RSF1: variants seen among roughly 807,000 people sequenced by gnomAD.
RSF1 encodes the protein remodeling and spacing factor 1, also known as HBV pX-associated protein 8.
Under a neutral mutation model 145.2 loss-of-function variants are expected in RSF1, and 13 were observed. The observed-to-expected ratio is 0.09, with a 90% CI of 0.06 to 0.14. The LOEUF is 0.14. Ranked by LOEUF, RSF1 falls within the 10% of genes least tolerant of loss-of-function variation. RSF1 has a pLI of 1.00. For synonymous variants in RSF1, 577 were observed against 592.6 expected (o/e 0.97, Z 0.38); for missense variants, 1,517 against 1,718.2 (o/e 0.88, Z 2.07).
the RSF1 span, among the ~76,000 whole-genome samples, chr11:77,851,805 T>C: frequency 6.6e-6 from 1 of 152,188 alleles, no homozygotes; most frequent in Non-Finnish European, 1.5e-5. Context: ...TTGTACAGCC[T>C]GCAGAACTGT....
chr11:77,786,896 A>G (rs949412352), intron 1 of RSF1, among the ~76,000 whole-genome samples: 3 of 152,232 alleles, frequency 2.0e-5, no homozygotes, highest in Non-Finnish European at 4.4e-5. Context: ...TGAGAGATGC[A>G]AAACAGAGAT....
chr11:77,725,838 A>C, intron 4 of RSF1, 139 bp from the exon 5 acceptor site: 1 of 523,492 alleles, frequency 1.9e-6, no homozygotes, highest in Non-Finnish European at 3.0e-6. Flanking sequence ...GCTAGCCCTA[A>C]TTAACCCTGA....
At chr11:77,856,509 T>C in the RSF1 span, among the ~76,000 whole-genome samples, 1 of 152,206 alleles carries the variant, frequency 6.6e-6, no homozygotes, top group African/African-American at 2.4e-5. Flanking sequence ...TGTTAGTCTC[T>C]TCTTGCATTG....
the RSF1 span, chr11:77,869,870 C>T: frequency 3.9e-6 from 6 of 1,544,498 alleles, 1 homozygote; most frequent in South Asian, 6.7e-5. Context: ...TCTCTTGGGC[C>T]TTTGTCTTAC....
chr11:77,718,083 G>T (rs1455412051), intron 5 of RSF1: 1 of 152,232 alleles, frequency 6.6e-6, no homozygotes, highest in African/African-American at 2.4e-5. Flanking sequence ...AACGTGGGCA[G>T]ATCACCTGAG....
At chr11:77,748,350 G>C (rs772903297) in intron 2 of RSF1, among the ~76,000 whole-genome samples, 3 of 150,682 alleles carry the variant, frequency 2.0e-5, no homozygotes, top group Non-Finnish European at 4.4e-5. Flanking sequence ...TCAGCCACCC[G>C]AGAAGCTGGG....
intron 4 of RSF1, among the ~76,000 whole-genome samples, chr11:77,730,440 T>C (rs549338725): frequency 6.6e-6 from 1 of 152,338 alleles, no homozygotes; most frequent in South Asian, 2.1e-4. Context: ...GTTCATCAGT[T>C]CTGACAAATG....
chr11:77,769,476 T>C (rs1178851816), intron 1 of RSF1, among the ~76,000 whole-genome samples: 3 of 152,216 alleles, frequency 2.0e-5, no homozygotes, highest in Admixed American at 2.0e-4. Flanking sequence ...TTTCACATGA[T>C]AAATTTCATA....
chr11:77,794,326 T>A (rs915486805), intron 1 of RSF1, among the ~76,000 whole-genome samples: 4 of 152,230 alleles, frequency 2.6e-5, no homozygotes, highest in African/African-American at 9.6e-5. Flanking sequence ...CATCTAAGTA[T>A]CTTCTCAGTC....
the RSF1 span, among the ~76,000 whole-genome samples, chr11:77,834,441 G>GTTTTTTTTTTTTTTTTTTTTT: frequency 2.8e-5 from 3 of 105,548 alleles, no homozygotes; most frequent in Non-Finnish European, 3.7e-5. Flanking sequence ...AGTTGATTTT[G>GTTTTTTTTTTTTTTTTTTTTT]TTTTTTTTTT....
chr11:77,743,016 T>C (rs1038797427), intron 3 of RSF1, among the ~76,000 whole-genome samples: 1 of 152,214 alleles, frequency 6.6e-6, no homozygotes, highest in Non-Finnish European at 1.5e-5. Context: ...GCACAGTGTG[T>C]AATCCTGATA....
the RSF1 span, chr11:77,869,680 A>G: frequency 2.5e-6 from 4 of 1,571,706 alleles, no homozygotes; most frequent in East Asian, 2.2e-5. Context: ...GCAATGAAAG[A>G]TTGAGAGCAG....
chr11:77,743,334 A>G (rs1327559393), intron 3 of RSF1, among the ~76,000 whole-genome samples: 2 of 152,348 alleles, frequency 1.3e-5, no homozygotes, highest in East Asian at 3.9e-4. Context: ...TAGTACGGAC[A>G]TCTTAACAAG....
At chr11:77,867,225 G>A in the RSF1 span, among the ~76,000 whole-genome samples, 44 of 151,874 alleles carry the variant, frequency 2.9e-4, no homozygotes, top group African/African-American at 1.0e-3. Flanking sequence ...TCTTTCTCTC[G>A]CCCATTTGTT....
chr11:77,743,822 C>G (rs926757618), intron 3 of RSF1, among the ~76,000 whole-genome samples: 1 of 152,138 alleles, frequency 6.6e-6, no homozygotes, highest in African/African-American at 2.4e-5. Context: ...CAGTTTTTCA[C>G]TGTTGGGTAC....
chr11:77,806,462 G>A (rs184602341), intron 1 of RSF1, among the ~76,000 whole-genome samples: 21 of 152,070 alleles, frequency 1.4e-4, no homozygotes, highest in Non-Finnish European at 1.5e-5. Context: ...AGGCATCTCA[G>A]GCACTATTAT....
rs564212744 is a variant in RSF1 at position 77,660,169 on chromosome 11, G to C, written c.*6748C>G. ...TAACACCAAGAGTTCTGATCAGACT[G>C]TAGTGAGACACTGAACATTTCATTA... On this transcript the variant is annotated 3_prime_UTR_variant, in exon 16 of 16. Transcript: ENST00000308488. The C allele has an allele frequency of 1.4e-3, 211 of 152,282 alleles. 1 individual carries two copies. The highest frequency in any genetic ancestry group is 4.9e-3 in the African/African-American group (202 of 41,566). The allele number at this position is 152,282 out of a possible 1,614,324, so 9.4% of individuals were successfully genotyped here. A position where few individuals can be genotyped will look rare whatever the true frequency, so the allele number is the denominator to read the frequency against.
At chr11:77,736,883 T>C (rs1012856964) in intron 4 of RSF1, among the ~76,000 whole-genome samples, 6 of 152,182 alleles carry the variant, frequency 3.9e-5, no homozygotes, top group Non-Finnish European at 8.8e-5. Flanking sequence ...ATAGTACCTA[T>C]TACACAAGGA....
At chr11:77,751,465 A>G (rs984985437) in intron 2 of RSF1, among the ~76,000 whole-genome samples, 3 of 152,184 alleles carry the variant, frequency 2.0e-5, no homozygotes, top group African/African-American at 7.2e-5. Flanking sequence ...AACAAATTTA[A>G]AATTGTAAAT....
Sources: gnomAD v4.1 joint callset for allele counts (sites outside exome capture counted in the v4.1 genomes callset) on GRCh38, gnomAD v4.1.1 for gene constraint, MANE v1.5 for transcripts, NCBI Gene and HGNC (gene_info 2026-07-23, HGNC 2026-07-21) for gene names.